MARCHF1: variants seen among roughly 807,000 people sequenced by gnomAD.
MARCHF1 encodes membrane associated ring-CH-type finger 1.
In MARCHF1, 40 loss-of-function variants were observed where a neutral mutation model predicts 54.2. The ratio of observed to expected loss-of-function variants is 0.74; its 90% CI spans 0.57 to 0.96. MARCHF1 has a LOEUF of 0.96. Among genes scored for constraint, MARCHF1 ranks in the 40% least tolerant of loss-of-function variants. The probability of loss-of-function intolerance (pLI) is 0.00; values close to 1 mark genes in which losing one functional copy is unlikely to be tolerated. For missense variants in MARCHF1, 586 were observed against 656.5 expected, an observed-to-expected ratio of 0.89 and a Z score of 1.17; for synonymous variants, 236 against 236.3, an observed-to-expected ratio of 1.00 and a Z score of 0.01.
chr4:163,544,122 G>A (rs968550382), intron 9 of MARCHF1, among the ~76,000 whole-genome samples: 1 of 152,156 alleles, frequency 6.6e-6, no homozygotes, highest in East Asian at 1.9e-4. Context: ...AGGATGTACA[G>A]CACACTGTTT....
At chr4:163,826,252 G>C in intron 4 of MARCHF1, among the ~76,000 whole-genome samples, 1 of 151,922 alleles carries the variant, frequency 6.6e-6, no homozygotes, top group East Asian at 1.9e-4. Context: ...AGTGCAATCT[G>C]ACATTGGCAA....
chr4:163,696,634 C>T (rs1256812452), intron 5 of MARCHF1, among the ~76,000 whole-genome samples: 2 of 152,086 alleles, frequency 1.3e-5, no homozygotes, highest in African/African-American at 4.8e-5. Flanking sequence ...TTTAAAGTTC[C>T]ATCTCAAAAA....
intron 5 of MARCHF1, among the ~76,000 whole-genome samples, chr4:163,665,618 A>C (rs777828881): frequency 6.6e-6 from 1 of 152,116 alleles, no homozygotes; most frequent in Non-Finnish European, 1.5e-5. Flanking sequence ...AAACCTGTTA[A>C]GGTCAACTGT....
At chr4:164,041,715 C>T (rs1297538558) in intron 2 of MARCHF1, among the ~76,000 whole-genome samples, 3 of 152,130 alleles carry the variant, frequency 2.0e-5, no homozygotes, top group Admixed American at 2.0e-4. Flanking sequence ...TGCCCCACCA[C>T]AGATATGACC....
At chr4:163,982,703 C>G (rs1295451971) in intron 3 of MARCHF1, among the ~76,000 whole-genome samples, 1 of 152,060 alleles carries the variant, frequency 6.6e-6, no homozygotes, top group Admixed American at 6.6e-5. Context: ...TTTTTTCTCT[C>G]TCTATGTTCT....
At chr4:164,186,005 G>A (rs569154547) in intron 1 of MARCHF1, among the ~76,000 whole-genome samples, 1 of 152,268 alleles carries the variant, frequency 6.6e-6, no homozygotes, top group African/African-American at 2.4e-5. Context: ...TGATTCTCCT[G>A]CCTCAGCCTC....
intron 1 of MARCHF1, among the ~76,000 whole-genome samples, chr4:164,152,260 T>C (rs2110911810): frequency 6.6e-6 from 1 of 152,282 alleles, no homozygotes; most frequent in East Asian, 1.9e-4. Context: ...TTAGCTAAGA[T>C]GGTATCATAA....
intron 2 of MARCHF1, among the ~76,000 whole-genome samples, chr4:164,007,241 G>A (rs1415003224): frequency 6.7e-6 from 1 of 150,164 alleles, no homozygotes; most frequent in African/African-American, 2.4e-5. Context: ...AGCTACTCGG[G>A]AGGCTGAGGC....
At chr4:163,975,716 T>A (rs1752636710) in intron 3 of MARCHF1, among the ~76,000 whole-genome samples, 1 of 152,186 alleles carries the variant, frequency 6.6e-6, no homozygotes, top group African/African-American at 2.4e-5. Context: ...CTTAAGAGCA[T>A]CTCTGATTGG....
intron 4 of MARCHF1, among the ~76,000 whole-genome samples, chr4:163,836,049 G>A (rs1463116074): frequency 6.6e-6 from 1 of 151,964 alleles, no homozygotes; most frequent in Non-Finnish European, 1.5e-5. Context: ...GGCTGGTGAT[G>A]GGCAACCTGG....
chr4:163,829,707 ACT>A (rs1477271923), intron 4 of MARCHF1, among the ~76,000 whole-genome samples: 1 of 152,180 alleles, frequency 6.6e-6, no homozygotes, highest in Non-Finnish European at 1.5e-5. Flanking sequence ...ATTTGTAAAC[ACT>A]GTTTCTGCCA....
chr4:163,699,902 G>A (rs1289249123), intron 5 of MARCHF1, among the ~76,000 whole-genome samples: 3 of 151,218 alleles, frequency 2.0e-5, no homozygotes, highest in East Asian at 3.9e-4. Flanking sequence ...TCTCTCAAAC[G>A]ATAATCTTTT....
intron 1 of MARCHF1, among the ~76,000 whole-genome samples, chr4:164,220,244 A>C (rs1260604653): frequency 6.7e-6 from 1 of 148,962 alleles, no homozygotes; most frequent in African/African-American, 2.5e-5. Context: ...ATATATATAC[A>C]CACATACGTA....
At chr4:164,040,348 C>T (rs1754100865) in intron 2 of MARCHF1, among the ~76,000 whole-genome samples, 1 of 110,660 alleles carries the variant, frequency 9.0e-6, no homozygotes, top group South Asian at 2.5e-4. Context: ...TACTTATATA[C>T]TTAGTTCTTA....
At chr4:164,335,308 C>T (rs1339294265) in intron 1 of MARCHF1, among the ~76,000 whole-genome samples, 1 of 152,118 alleles carries the variant, frequency 6.6e-6, no homozygotes, top group Non-Finnish European at 1.5e-5. Context: ...TTTGCCTCAG[C>T]CCGGTGGCTC....
At chr4:164,327,554 T>C (rs1735316387) in intron 1 of MARCHF1, among the ~76,000 whole-genome samples, 1 of 152,132 alleles carries the variant, frequency 6.6e-6, no homozygotes, top group Admixed American at 6.6e-5. Flanking sequence ...AACATGACCC[T>C]AAAAGGCTTT....
intron 1 of MARCHF1, among the ~76,000 whole-genome samples, chr4:164,201,052 A>G (rs1247031962): frequency 3.3e-5 from 5 of 152,350 alleles, no homozygotes; most frequent in Non-Finnish European, 7.3e-5. Flanking sequence ...AGCTAGGGAA[A>G]AGCATGGCGG....
At chr4:164,068,521 G>T (rs1007906978) in intron 2 of MARCHF1, among the ~76,000 whole-genome samples, 1 of 152,184 alleles carries the variant, frequency 6.6e-6, no homozygotes, top group African/African-American at 2.4e-5. Context: ...GCCCCGAGCA[G>T]TGAGGGGCTT....
At chr4:164,082,772 C>T (rs1216555673) in intron 2 of MARCHF1, among the ~76,000 whole-genome samples, 1 of 152,120 alleles carries the variant, frequency 6.6e-6, no homozygotes, top group African/African-American at 2.4e-5. Context: ...TGAAATTAAC[C>T]ATATTTAGTG....
Sources: gnomAD v4.1 joint callset for allele counts (sites outside exome capture counted in the v4.1 genomes callset) on GRCh38, gnomAD v4.1.1 for gene constraint, MANE v1.5 for transcripts, NCBI Gene and HGNC (gene_info 2026-07-23, HGNC 2026-07-21) for gene names.